Variants in CACNB1 observed in about 807,000 individuals in gnomAD.
The protein encoded by CACNB1 is voltage-dependent L-type calcium channel subunit beta-1.
A neutral mutation model predicts 71.6 loss-of-function variants in CACNB1; 29 were observed. The observed-to-expected ratio is 0.40, with a 90% CI of 0.30 to 0.55. The LOEUF (loss-of-function observed/expected upper bound fraction) is 0.55, where lower values mean the gene tolerates loss of function less well. Ranked by LOEUF, CACNB1 falls within the 20% of genes least tolerant of loss-of-function variation. The probability of loss-of-function intolerance (pLI) is 0.38; values close to 1 mark genes in which losing one functional copy is unlikely to be tolerated. For synonymous variants in CACNB1, 300 were observed against 319.6 expected, an observed-to-expected ratio of 0.94 and a Z score of 0.65; for missense variants, 623 against 801.8, an observed-to-expected ratio of 0.78 and a Z score of 2.69.
At chr17:39,187,623 G>A (rs777281691) in intron 3 of CACNB1, 22 bp from the exon 4 acceptor site, 4 of 1,613,752 alleles carry the variant, frequency 2.5e-6, no homozygotes, top group South Asian at 2.2e-5. Context: ...ACACAGGGGA[G>A]GATGGCAACT....
At chr17:39,193,287 T>C in intron 2 of CACNB1, 2 of 324,376 alleles carry the variant, frequency 6.2e-6, no homozygotes, top group South Asian at 4.5e-5. Flanking sequence ...TACACACACA[T>C]ATGCAGACAC....
chr17:39,195,093 C>G, intron 1 of CACNB1, 123 bp from the exon 2 acceptor site: 1 of 654,284 alleles, frequency 1.5e-6, no homozygotes, highest in South Asian at 1.8e-5. Context: ...CTCCACCCCC[C>G]TGCACATTCC....
chr17:39,193,105 C>T (rs534092573), intron 2 of CACNB1: 28 of 218,022 alleles, frequency 1.3e-4, no homozygotes, highest in East Asian at 3.3e-4. Flanking sequence ...GGCATACGCG[C>T]GCACACACTC....
chr17:39,194,944 T>C lies in CACNB1; in HGVS notation c.111A>G (p.Arg37=). The change falls in exon 2 of 14, where the codon CGA becomes CGG. Residue 37 remains arginine, a synonymous_variant. Transcript: ENST00000394303. The surrounding 1 kb of genome is among the most constrained non-coding windows in gnomAD (Gnocchi z 4.6). ...PQGKYSKRKG[R]FKRSDGSTSS... ...ACGTGCTCCCATCTGACCGTTTGAA[T>C]CGCCCTTTCCTCTTGCTGTATTTGC... 1 of 1,613,272 alleles carries C rather than the reference T, an allele frequency of 6.2e-7. No individual in the cohort carries two copies. The highest frequency in any genetic ancestry group is 8.5e-7 in the Non-Finnish European group (1 of 1,179,446).
chr17:39,182,734 A>AATAC (rs2045808316), intron 11 of CACNB1, among the ~76,000 whole-genome samples: 1 of 151,430 alleles, frequency 6.6e-6, no homozygotes, highest in Non-Finnish European at 1.5e-5. Context: ...TAAATAAATA[A>AATAC]ATAAATAAAT....
chr17:39,184,278 C>A, intron 9 of CACNB1, 47 bp downstream of exon 9: 1 of 1,363,082 alleles, frequency 7.3e-7, no homozygotes, highest in South Asian at 1.2e-5. Context: ...CCATCCCCAG[C>A]AGCAGAGAGC....
intron 1 of CACNB1, chr17:39,195,266 A>G: frequency 3.2e-6 from 1 of 314,682 alleles, no homozygotes. Flanking sequence ...GGCGCGGAGA[A>G]GCTGGAGGCT....
intron 1 of CACNB1, 39 bp downstream of exon 1, chr17:39,197,371 GGA>G: frequency 7.4e-7 from 1 of 1,348,198 alleles, no homozygotes. Flanking sequence ...ACGGTCCGCG[GGA>G]GCGACCCCCT....
intron 1 of CACNB1, among the ~76,000 whole-genome samples, chr17:39,197,188 G>T (rs1486073764): frequency 1.3e-5 from 2 of 152,126 alleles, no homozygotes; most frequent in Non-Finnish European, 2.9e-5. Flanking sequence ...AGGAGGCGAG[G>T]GTGACAGGCA....
intron 3 of CACNB1, 46 bp downstream of exon 3, chr17:39,191,428 C>G: frequency 6.4e-7 from 1 of 1,562,142 alleles, no homozygotes; most frequent in East Asian, 2.3e-5. Flanking sequence ...CAGCCCAGGA[C>G]TGGGGGAAAT....
chr17:39,184,163 AG>A, intron 9 of CACNB1, 23 bp from the exon 10 acceptor site: 1 of 1,495,080 alleles, frequency 6.7e-7, no homozygotes, highest in Non-Finnish European at 9.3e-7. Flanking sequence ...GCAAGAGGGG[AG>A]TCAGGGGTCA....
In CACNB1 at chr17:39,185,639, G is replaced by A. The variant is rs189462492; in HGVS notation, c.629-489C>T. Among the ~76,000 whole-genome samples, 8 of 151,228 alleles carry A rather than the reference G, an allele frequency of 5.3e-5. No individual in the cohort carries two copies. In the East Asian group the frequency reaches 1.6e-3, roughly 29 times the overall value. ...TCCCATGTCCTGCTTCACATGCCAA[G>A]GTAGACACCAACACCAGAGCAGGCC... On this transcript the variant is annotated intron_variant, in intron 6 of 13. Coordinates refer to ENST00000394303, the MANE Select transcript of CACNB1 (RefSeq NM_000723.5).
At chr17:39,185,101 G>A in intron 7 of CACNB1, 30 bp downstream of exon 7, 3 of 1,608,990 alleles carry the variant, frequency 1.9e-6, no homozygotes, top group Middle Eastern at 1.7e-4. Flanking sequence ...AGGGAGTGGG[G>A]AGGAGGACAC....
In CACNB1 at chr17:39,194,836, C is replaced by A; in HGVS notation, c.171+48G>T. Reference sequence around the variant, plus strand: ...GCAGACCTGGCTCACCAATGCTGGTCTCCACCAACCAGCCACCTCCCTCCT... The same window carrying A: ...GCAGACCTGGCTCACCAATGCTGGTATCCACCAACCAGCCACCTCCCTCCT... On this transcript the variant is annotated intron_variant, in intron 2 of 13. Coordinates refer to ENST00000394303, the MANE Select transcript of CACNB1 (RefSeq NM_000723.5). This position sits in a 1 kb window ranked among gnomAD's most constrained non-coding sequence, Gnocchi z 4.6. 1 of 1,323,930 alleles carries A rather than the reference C, an allele frequency of 7.6e-7. No homozygotes were observed. The highest frequency in any genetic ancestry group is 1.3e-5 in the South Asian group (1 of 79,890). 82.0% of individuals were successfully genotyped at this position (1,323,930 alleles called of 1,614,324 possible).
intron 13 of CACNB1, chr17:39,177,077 G>A (rs780988549): frequency 8.7e-5 from 120 of 1,383,880 alleles, no homozygotes; most frequent in Non-Finnish European, 1.1e-4. Flanking sequence ...TATGGCACCA[G>A]GCCCAGGAAG....
chr17:39,190,979 C>T (rs958451782), intron 3 of CACNB1, among the ~76,000 whole-genome samples: 20 of 151,744 alleles, frequency 1.3e-4, no homozygotes, highest in Non-Finnish European at 2.5e-4. Flanking sequence ...CTGAGGGGGG[C>T]GGATCACAAG....
At chr17:39,193,318 A>G (rs2046130247) in intron 2 of CACNB1, 1 of 347,558 alleles carries the variant, frequency 2.9e-6, no homozygotes, top group Admixed American at 3.6e-5. Context: ...ATACACACGC[A>G]CACATCAGAA....
rs2045943871 is a variant in CACNB1, at chr17:39,186,499, T to A, written c.625A>T (p.Ser209Cys). ...CCTGCATGGCGATGGCTCTTACCAC[T>A]GGCAGGGGGTGTGGGGCGGCGGGTG... is the stretch of plus-strand genomic sequence containing the variant. ...TGTRRPTPPA[S>C]AKQKQKSTEH... The change falls in exon 6 of 14, where the codon AGT (serine) becomes TGT (cysteine). Residue 209 changes from serine to cysteine, a missense_variant. Physicochemically the swap from Ser to Cys is moderately radical, Grantham distance 112. Coordinates refer to ENST00000394303, the MANE Select transcript of CACNB1 (RefSeq NM_000723.5). The surrounding 1 kb of genome is among the most constrained non-coding windows in gnomAD (Gnocchi z 4.1). 1 of 1,612,032 alleles carries A rather than the reference T, an allele frequency of 6.2e-7. No individual in the cohort carries two copies. The highest frequency in any genetic ancestry group is 8.5e-7 in the Non-Finnish European group (1 of 1,178,672).
In CACNB1 at chr17:39,197,423, G is replaced by A. The variant is rs1253974752; in HGVS notation, c.73C>T (p.Pro25Ser). The A allele has an allele frequency of 2.0e-6, 3 of 1,466,756 alleles. No individual in the cohort carries two copies. In the South Asian group the frequency reaches 4.1e-5, roughly 20 times the overall value. The allele number at this position is 1,466,756 out of a possible 1,614,324, so 90.9% of individuals were successfully genotyped here. ...CCACCACGCCTCACCTGCGGGCTGG[G>A]GTCGAAGACCTCCATGGGGATCTCC... Reference protein sequence around the residue: ...SQEIPMEVFDPSPQGKYSKRK... With the variant: ...SQEIPMEVFDSSPQGKYSKRK... Residue 25 changes from proline (P) to serine (S), a missense_variant, in exon 1 of 14, where the codon CCC (proline) becomes TCC (serine). Coordinates refer to ENST00000394303, the MANE Select transcript of CACNB1 (RefSeq NM_000723.5).
Sources: gnomAD v4.1 joint callset for allele counts (sites outside exome capture counted in the v4.1 genomes callset) on GRCh38, gnomAD v4.1.1 for gene constraint, Gnocchi (gnomAD v3.1) non-coding constraint, MANE v1.5 for transcripts, NCBI Gene and HGNC (gene_info 2026-07-23, HGNC 2026-07-21) for gene names.